Variants in FER observed in about 807,000 individuals in gnomAD.
The protein encoded by FER is FER tyrosine kinase.
FER carries 63 observed loss-of-function variants against 111.0 expected under a neutral mutation model. That is an observed-to-expected ratio of 0.57 (90% CI 0.46 to 0.70). The LOEUF (loss-of-function observed/expected upper bound fraction) is 0.70. Ranked by LOEUF, FER falls within the 30% of genes least tolerant of loss-of-function variation. FER has a pLI of 0.00. For missense variants in FER, 914 were observed against 954.0 expected, an observed-to-expected ratio of 0.96 and a Z score of 0.55; for synonymous variants, 327 against 313.9, an observed-to-expected ratio of 1.04 and a Z score of -0.44.
chr5:109,067,177 G>C (rs1347092277), intron 16 of FER, among the ~76,000 whole-genome samples: 2 of 152,140 alleles, frequency 1.3e-5, no homozygotes, highest in African/African-American at 4.8e-5. Flanking sequence ...TAAGCAACTG[G>C]ATTTTATTTG....
intron 10 of FER, among the ~76,000 whole-genome samples, chr5:108,931,445 T>G (rs1754662656): frequency 6.6e-6 from 1 of 152,164 alleles, no homozygotes; most frequent in Admixed American, 6.5e-5. Flanking sequence ...TTTCCTGTGT[T>G]TATATCCAAG....
intron 3 of FER, among the ~76,000 whole-genome samples, chr5:108,831,043 A>G (rs1759992251): frequency 6.6e-6 from 1 of 152,148 alleles, no homozygotes; most frequent in Non-Finnish European, 1.5e-5. Context: ...GACTTCCTGT[A>G]GTGACTACAC....
chr5:109,062,882 A>G (rs1321994618), intron 16 of FER, among the ~76,000 whole-genome samples: 1 of 152,218 alleles, frequency 6.6e-6, no homozygotes, highest in African/African-American at 2.4e-5. Flanking sequence ...ACACAGACTC[A>G]TGGCCCTTGG....
chr5:109,033,351 A>T (rs1039552381), intron 13 of FER, among the ~76,000 whole-genome samples: 4 of 152,162 alleles, frequency 2.6e-5, no homozygotes, highest in African/African-American at 9.7e-5. Flanking sequence ...AGCAGTTGTT[A>T]AGGAGCAAGC....
In FER at chr5:109,006,098, A is replaced by G. The variant is rs544445270; in HGVS notation, c.1657-31324A>G. ...ATATGCTTTTTGTAACAACCTGATG[A>G]TGTAGAGAGAAGCAGCATTAAGACT... On this transcript the variant is annotated intron_variant, in intron 13 of 19. Coordinates refer to ENST00000281092, the MANE Select transcript of FER (RefSeq NM_005246.4). Among the ~76,000 whole-genome samples, 4 of 152,184 alleles carry G rather than the reference A, an allele frequency of 2.6e-5. 1 individual carries two copies. Among genetic ancestry groups the G allele is most frequent in the African/African-American group, 7.2e-5 (3 of 41,540 alleles).
At chr5:108,800,874 G>A (rs1444195583) in intron 3 of FER, among the ~76,000 whole-genome samples, 1 of 151,804 alleles carries the variant, frequency 6.6e-6, no homozygotes, top group African/African-American at 2.4e-5. Flanking sequence ...GTGAAACCTC[G>A]TCTCTACCAA....
chr5:109,069,410 A>G (rs1432412528), intron 16 of FER, among the ~76,000 whole-genome samples: 1 of 152,178 alleles, frequency 6.6e-6, no homozygotes, highest in Non-Finnish European at 1.5e-5. Context: ...AGATCTTTAG[A>G]GAGTTTAAAA....
At chr5:108,773,241 A>T (rs568939527) in intron 2 of FER, among the ~76,000 whole-genome samples, 1 of 152,110 alleles carries the variant, frequency 6.6e-6, no homozygotes, top group Non-Finnish European at 1.5e-5. Flanking sequence ...GGTTTATTAT[A>T]TAGGTAAACA....
At position 109,187,876 on chromosome 5, in the gene FER, A is replaced by T. The variant is rs141154908; in HGVS notation, c.*301A>T. 2.9e-6 allele frequency: 1 copy of T among 345,370 alleles called. No individual in the cohort carries two copies. The highest frequency in any genetic ancestry group is 7.1e-5 in the East Asian group (1 of 14,092). 21.4% of individuals were successfully genotyped at this position (345,370 alleles called of 1,614,324 possible). A position where few individuals can be genotyped will look rare whatever the true frequency, so the allele number is the denominator to read the frequency against. On this transcript the variant is annotated 3_prime_UTR_variant, in exon 20 of 20. Transcript: ENST00000281092. ...GTGTGAAGGATAAAAGATCTATCCT[A>T]TCCTTTTCACACCTTGTTTCTACTT...
intron 5 of FER, 37 bp from the exon 6 acceptor site, chr5:108,867,730 C>G (rs1039773648): frequency 6.4e-7 from 1 of 1,566,072 alleles, no homozygotes; most frequent in Non-Finnish European, 8.6e-7. Flanking sequence ...TTTTTCTTAT[C>G]TCTTTACTAA....
chr5:109,051,729 G>A (rs1236220589), intron 16 of FER: 20 of 1,562,510 alleles, frequency 1.3e-5, no homozygotes, highest in South Asian at 6.7e-5. Context: ...GGTAAGGGTC[G>A]CTCTTTCCCT....
chr5:108,952,914 G>C (rs1390717785), intron 11 of FER, among the ~76,000 whole-genome samples: 1 of 151,958 alleles, frequency 6.6e-6, no homozygotes, highest in African/African-American at 2.4e-5. Flanking sequence ...CTGTTACGTT[G>C]ACCTTTTAGA....
At chr5:108,894,038 A>G (rs1171710132) in intron 9 of FER, among the ~76,000 whole-genome samples, 2 of 150,932 alleles carry the variant, frequency 1.3e-5, no homozygotes, top group Non-Finnish European at 2.9e-5. Context: ...TTCCATCTCC[A>G]AATGAATCAC....
At chr5:109,068,610 G>T (rs1346716285) in intron 16 of FER, among the ~76,000 whole-genome samples, 6 of 152,196 alleles carry the variant, frequency 3.9e-5, no homozygotes, top group African/African-American at 9.7e-5. Context: ...GACCACTGTG[G>T]CTTTGGAACC....
At chr5:108,951,090 G>A (rs910038981) in intron 11 of FER, among the ~76,000 whole-genome samples, 5 of 152,050 alleles carry the variant, frequency 3.3e-5, no homozygotes, top group Admixed American at 1.3e-4. Context: ...CCAACATGGT[G>A]AAACCCTGTC....
At chr5:108,855,897 G>A (rs1044317232) in intron 5 of FER, among the ~76,000 whole-genome samples, 3 of 151,398 alleles carry the variant, frequency 2.0e-5, no homozygotes, top group Non-Finnish European at 4.4e-5. Context: ...CGGTAAAGGG[G>A]AGGAATGAAA....
intron 14 of FER, among the ~76,000 whole-genome samples, chr5:109,043,051 T>C (rs1332774646): frequency 6.6e-6 from 1 of 152,186 alleles, no homozygotes; most frequent in Non-Finnish European, 1.5e-5. Context: ...ATTGAGGTCA[T>C]GAATCAGGGT....
chr5:108,861,540 A>T (rs1763521644), intron 5 of FER, among the ~76,000 whole-genome samples: 1 of 152,162 alleles, frequency 6.6e-6, no homozygotes, highest in South Asian at 2.1e-4. Context: ...TAGAACACTC[A>T]TGCCCTGCTC....
intron 17 of FER, among the ~76,000 whole-genome samples, chr5:109,156,741 T>C (rs1755439308): frequency 6.6e-6 from 1 of 151,998 alleles, no homozygotes; most frequent in South Asian, 2.1e-4. Flanking sequence ...AAAGAAGCAG[T>C]GGTCAGTAAT....
Sources: allele counts gnomAD v4.1 joint callset (sites outside exome capture counted in the v4.1 genomes callset), GRCh38; gene constraint gnomAD v4.1.1; transcripts MANE v1.5; gene names NCBI Gene and HGNC (gene_info 2026-07-23, HGNC 2026-07-21).